Variants in LHFPL3 observed in about 807,000 individuals in gnomAD.
LHFPL3 encodes the protein LHFPL tetraspan subfamily member 3 protein.
In LHFPL3, 5 loss-of-function variants were observed where a neutral mutation model predicts 19.3. The observed-to-expected ratio is 0.26, with a 90% confidence interval of 0.14 to 0.54. The LOEUF (loss-of-function observed/expected upper bound fraction) is 0.54. Ranked by LOEUF, LHFPL3 falls within the 20% of genes least tolerant of loss-of-function variation. LHFPL3 has a pLI of 0.94. For synonymous variants in LHFPL3, 133 were observed against 126.2 expected (o/e 1.05, Z -0.36); for missense variants, 249 against 307.4 (o/e 0.81, Z 1.42).
intron 1 of LHFPL3, among the ~76,000 whole-genome samples, chr7:104,397,005 T>C (rs1224851803): frequency 1.3e-5 from 2 of 152,068 alleles, no homozygotes; most frequent in African/African-American, 2.4e-5. Context: ...TTTCCTTCTG[T>C]TTTTAGTTGT....
At chr7:104,676,520 ATG>A (rs1281517364) in intron 1 of LHFPL3, among the ~76,000 whole-genome samples, 1 of 152,194 alleles carries the variant, frequency 6.6e-6, no homozygotes, top group Non-Finnish European at 1.5e-5. Flanking sequence ...TTCCCATGTG[ATG>A]TGTTTATGAT....
At chr7:104,331,790 A>T (rs1801571628) in intron 1 of LHFPL3, among the ~76,000 whole-genome samples, 1 of 152,050 alleles carries the variant, frequency 6.6e-6, no homozygotes, top group Non-Finnish European at 1.5e-5. Context: ...TCTCTACTAA[A>T]AATACAAAAA....
intron 1 of LHFPL3, among the ~76,000 whole-genome samples, chr7:104,702,532 G>C (rs966783376): frequency 6.6e-6 from 1 of 152,118 alleles, no homozygotes; most frequent in African/African-American, 2.4e-5. Context: ...TTCAGAATAA[G>C]AAACAAAAAT....
At position 104,851,865 on chromosome 7, in the gene LHFPL3, T is replaced by G. The variant is rs1434196096; in HGVS notation, c.683-54322T>G. Among the ~76,000 whole-genome samples, 6 of 152,110 alleles carry G rather than the reference T, an allele frequency of 3.9e-5. No homozygotes were observed. The East Asian group carries it at 1.2e-3, about 29-fold the overall frequency. On this transcript the variant is annotated intron_variant, in intron 2 of 2. Coordinates refer to ENST00000424859, the MANE Select transcript of LHFPL3 (RefSeq NM_199000.3). ...CAGCACTGCAAAGATACCATCTGCT[T>G]GGGCCGTAGCTTTCTCAGGCTCAAG...
intron 2 of LHFPL3, among the ~76,000 whole-genome samples, chr7:104,884,345 T>G (rs1792109231): frequency 6.6e-6 from 1 of 152,160 alleles, no homozygotes; most frequent in Non-Finnish European, 1.5e-5. Flanking sequence ...CCTCCTGAGA[T>G]AGGCCCTCTG....
intron 1 of LHFPL3, among the ~76,000 whole-genome samples, chr7:104,392,744 C>T (rs6949153): frequency 0.59 from 89,595 of 151,796 alleles, 27,422 homozygotes; most frequent in African/African-American, 0.75. Flanking sequence ...TTGATTGGAA[C>T]AGTTTCAGAA....
intron 1 of LHFPL3, among the ~76,000 whole-genome samples, chr7:104,334,494 C>G (rs949722838): frequency 2.0e-5 from 3 of 152,202 alleles, no homozygotes. Context: ...TTACACTGAG[C>G]CGAGATCATG....
At chr7:104,437,171 T>A (rs1191991120) in intron 1 of LHFPL3, among the ~76,000 whole-genome samples, 1 of 152,246 alleles carries the variant, frequency 6.6e-6, no homozygotes, top group Non-Finnish European at 1.5e-5. Flanking sequence ...TAAAAAACTT[T>A]CTCAACTTCT....
intron 2 of LHFPL3, among the ~76,000 whole-genome samples, chr7:104,905,278 T>C (rs1792575251): frequency 6.6e-6 from 1 of 152,044 alleles, no homozygotes; most frequent in African/African-American, 2.4e-5. Flanking sequence ...AAAATATAAA[T>C]AGATCTTTAT....
rs1251552890 is a variant in LHFPL3 at position 104,336,617 on chromosome 7, A to G, written c.445+7393A>G. Among the ~76,000 whole-genome samples the G allele has an allele frequency of 3.3e-5, 5 of 152,316 alleles. No homozygotes were observed. In the East Asian group the frequency reaches 9.6e-4, roughly 29 times the overall value. ...TTGGCTAGAATGAAAGAAGAAAGCA[A>G]ACCTTTTGGAAATAGAGTTGCTGGC... On this transcript the variant is annotated intron_variant, in intron 1 of 2. Transcript: ENST00000424859.
chr7:104,716,848 G>T (rs939336965), intron 1 of LHFPL3, among the ~76,000 whole-genome samples: 1 of 152,136 alleles, frequency 6.6e-6, no homozygotes, highest in African/African-American at 2.4e-5. Flanking sequence ...ATGGAACCAT[G>T]AAGGACCCTG....
intron 1 of LHFPL3, among the ~76,000 whole-genome samples, chr7:104,538,544 C>A (rs1794429204): frequency 6.6e-6 from 1 of 152,208 alleles, no homozygotes. Context: ...GGTGGCCATC[C>A]ACTACACAGG....
At chr7:104,368,675 G>T (rs923011520) in intron 1 of LHFPL3, among the ~76,000 whole-genome samples, 8 of 151,574 alleles carry the variant, frequency 5.3e-5, no homozygotes, top group African/African-American at 1.9e-4. Flanking sequence ...GTGTGTGTGT[G>T]TGTGTTGTTT....
In LHFPL3 at chr7:104,648,410, C is replaced by A. The variant is rs150530851; in HGVS notation, c.446-88265C>A. Among the ~76,000 whole-genome samples, 1,086 of 152,224 alleles carry A rather than the reference C, an allele frequency of 7.1e-3. 16 individuals carry two copies. Among genetic ancestry groups the A allele is most frequent in the African/African-American group, 0.025 (1,028 of 41,528 alleles). On this transcript the variant is annotated intron_variant, in intron 1 of 2. Coordinates refer to ENST00000424859, the MANE Select transcript of LHFPL3 (RefSeq NM_199000.3). Reference sequence around the variant, plus strand: ...CCATTAATATTTTATTCCTCCAGACCCCTACAAAAAGAAAAAGCCGTCATT... The same window carrying A: ...CCATTAATATTTTATTCCTCCAGACACCTACAAAAAGAAAAAGCCGTCATT...
intron 1 of LHFPL3, among the ~76,000 whole-genome samples, chr7:104,591,427 ATGT>A (rs1482174580): frequency 6.6e-6 from 1 of 152,240 alleles, no homozygotes; most frequent in Admixed American, 6.5e-5. Flanking sequence ...TTCTTTAAGA[ATGT>A]TGAATATTGG....
At chr7:104,509,278 G>C (rs1204339485) in intron 1 of LHFPL3, among the ~76,000 whole-genome samples, 1 of 147,754 alleles carries the variant, frequency 6.8e-6, no homozygotes, top group African/African-American at 2.6e-5. Context: ...AAAAAAAAAA[G>C]GAAAGAAAGA....
At chr7:104,738,165 AG>A (rs1354476904) in intron 2 of LHFPL3, among the ~76,000 whole-genome samples, 1 of 152,166 alleles carries the variant, frequency 6.6e-6, no homozygotes, top group Non-Finnish European at 1.5e-5. Context: ...ACCCTTACAC[AG>A]GGGAGTGGTG....
At chr7:104,403,756 T>C (rs1562887239) in intron 1 of LHFPL3, among the ~76,000 whole-genome samples, 1 of 135,074 alleles carries the variant, frequency 7.4e-6, no homozygotes, top group Non-Finnish European at 1.6e-5. Context: ...TCTCTCTCTC[T>C]CTCATCATTA....
intron 1 of LHFPL3, among the ~76,000 whole-genome samples, chr7:104,718,552 G>A (rs895574836): frequency 1.3e-5 from 2 of 152,282 alleles, no homozygotes; most frequent in South Asian, 2.1e-4. Flanking sequence ...CCTCAGCATC[G>A]TGGTAAGCCA....
Sources: allele counts gnomAD v4.1 joint callset (sites outside exome capture counted in the v4.1 genomes callset), GRCh38; gene constraint gnomAD v4.1.1; transcripts MANE v1.5; gene names NCBI Gene and HGNC (gene_info 2026-07-23, HGNC 2026-07-21).